WWOX: variants seen among roughly 807,000 people sequenced by gnomAD.
WWOX encodes the protein WW domain containing oxidoreductase.
A neutral mutation model predicts 46.2 loss-of-function variants in WWOX; 69 were observed. The ratio of observed to expected loss-of-function variants is 1.49; its 90% CI spans 1.23 to 1.82. The LOEUF (loss-of-function observed/expected upper bound fraction) is 1.82. Among genes scored for constraint, WWOX ranks in the 40% most tolerant of loss-of-function variants. The pLI, the probability that WWOX is intolerant of heterozygous loss-of-function variation, is 0.00. For missense variants in WWOX, 919 were observed against 542.6 expected, an observed-to-expected ratio of 1.69 and a Z score of -6.89; for synonymous variants, 359 against 202.6, an observed-to-expected ratio of 1.77 and a Z score of -6.56.
chr16:79,133,083 T>C (rs1180857222), intron 8 of WWOX, among the ~76,000 whole-genome samples: 1 of 152,224 alleles, frequency 6.6e-6, no homozygotes, highest in Non-Finnish European at 1.5e-5. Flanking sequence ...GTGACCTTTC[T>C]AGGGTTGTTT....
chr16:78,576,577 A>C (rs2044885641), intron 8 of WWOX, among the ~76,000 whole-genome samples: 2 of 152,196 alleles, frequency 1.3e-5, no homozygotes, highest in African/African-American at 4.8e-5. Flanking sequence ...TCATGCCTAT[A>C]ATCCTAGCAC....
intron 8 of WWOX, among the ~76,000 whole-genome samples, chr16:78,713,908 C>T (rs535399900): frequency 2.6e-5 from 4 of 152,236 alleles, no homozygotes; most frequent in East Asian, 1.9e-4. Context: ...CAGAAACACC[C>T]GAGGACTGTC....
At chr16:79,093,887 T>C (rs2049015044) in intron 8 of WWOX, among the ~76,000 whole-genome samples, 1 of 152,118 alleles carries the variant, frequency 6.6e-6, no homozygotes, top group Admixed American at 6.5e-5. Flanking sequence ...CACCGCAGCT[T>C]CCTGGCCACT....
chr16:78,757,010 A>C lies in WWOX; in HGVS notation c.1056+324258A>C, dbSNP rs369651669. On this transcript the variant is annotated intron_variant, in intron 8 of 8. Coordinates refer to ENST00000566780, the MANE Select transcript of WWOX (RefSeq NM_016373.4). ...TAGAAGAACTGAGCCTCCTGCCAAC[A>C]GCCATGTGAGTGAACCACGTTCGAA... is the stretch of plus-strand genomic sequence containing the variant. The C allele has an allele frequency of 1.8e-4, 127 of 699,872 alleles. 1 individual carries two copies. Among genetic ancestry groups the C allele is most frequent in the South Asian group, 9.3e-4 (63 of 67,590 alleles). The allele number at this position is 699,872 out of a possible 1,614,324, so 43.4% of individuals were successfully genotyped here.
At chr16:78,795,793 G>C (rs538118004) in intron 8 of WWOX, among the ~76,000 whole-genome samples, 1 of 152,220 alleles carries the variant, frequency 6.6e-6, no homozygotes, top group East Asian at 1.9e-4. Flanking sequence ...ATGTCCTTGA[G>C]GATGGAATGA....
chr16:78,559,612 A>T (rs2044385944), intron 8 of WWOX, among the ~76,000 whole-genome samples: 1 of 152,252 alleles, frequency 6.6e-6, no homozygotes, highest in Admixed American at 6.5e-5. Context: ...CTATTAGCAA[A>T]TGGCCACTGG....
intron 5 of WWOX, among the ~76,000 whole-genome samples, chr16:78,174,699 C>G (rs1053677827): frequency 1.3e-5 from 2 of 152,180 alleles, no homozygotes; most frequent in African/African-American, 4.8e-5. Flanking sequence ...AATAATCTGA[C>G]TAAGGTGGCC....
chr16:78,349,356 G>A (rs182230359), intron 5 of WWOX, among the ~76,000 whole-genome samples: 1 of 121,026 alleles, frequency 8.3e-6, no homozygotes. Context: ...TAGGTCTTCA[G>A]CATATGAATT....
chr16:78,333,749 C>G (rs1008084261), intron 5 of WWOX, among the ~76,000 whole-genome samples: 3 of 152,224 alleles, frequency 2.0e-5, no homozygotes, highest in Admixed American at 2.0e-4. Flanking sequence ...AATGGTTCCT[C>G]TGTTCAGCAA....
intron 8 of WWOX, among the ~76,000 whole-genome samples, chr16:78,609,872 T>A (rs911147384): frequency 4.6e-5 from 7 of 152,318 alleles, no homozygotes; most frequent in African/African-American, 1.7e-4. Context: ...ATTTCAACCT[T>A]TTCTTGCTTT....
rs575874671 is a variant in WWOX, at chr16:78,913,370, A to G, written c.1057-298238A>G. Among the ~76,000 whole-genome samples, 75 of 152,034 alleles carry G rather than the reference A, an allele frequency of 4.9e-4. 1 individual carries two copies. The highest frequency in any genetic ancestry group is 1.6e-3 in the African/African-American group (66 of 41,538). On this transcript the variant is annotated intron_variant, in intron 8 of 8. Transcript: ENST00000566780. ...CAGCCATGTGCCTGAGTCTTGGCCA[A>G]TGGACTGTTGGAAGACGAGACGTTG...
chr16:78,473,135 G>A (rs1033182210), intron 8 of WWOX, among the ~76,000 whole-genome samples: 1 of 152,192 alleles, frequency 6.6e-6, no homozygotes, highest in Non-Finnish European at 1.5e-5. Context: ...TTTATGTAAT[G>A]TTTGTTTGCT....
chr16:79,041,411 T>G (rs1010524390), intron 8 of WWOX, among the ~76,000 whole-genome samples: 2 of 152,276 alleles, frequency 1.3e-5, no homozygotes, highest in East Asian at 3.9e-4. Context: ...CCACGCCCCT[T>G]GCGGTTCCTT....
intron 1 of WWOX, among the ~76,000 whole-genome samples, chr16:78,101,428 C>A (rs936460767): frequency 1.4e-5 from 2 of 146,774 alleles, no homozygotes; most frequent in Admixed American, 1.4e-4. Flanking sequence ...TTCACTGCAA[C>A]CTCTGCATGC....
chr16:78,953,592 C>T (rs190877415), intron 8 of WWOX, among the ~76,000 whole-genome samples: 1 of 152,310 alleles, frequency 6.6e-6, no homozygotes, highest in Admixed American at 6.5e-5. Flanking sequence ...TGTGTCCCCT[C>T]CACTGTTGCC....
intron 8 of WWOX, among the ~76,000 whole-genome samples, chr16:78,907,243 G>A (rs2044989545): frequency 6.6e-6 from 1 of 152,120 alleles, no homozygotes; most frequent in Non-Finnish European, 1.5e-5. Context: ...GGGGGGCAGG[G>A]CACAGGACCA....
chr16:78,618,722 G>A (rs985166528), intron 8 of WWOX, among the ~76,000 whole-genome samples: 7 of 151,960 alleles, frequency 4.6e-5, no homozygotes, highest in Non-Finnish European at 1.0e-4. Flanking sequence ...CTTGTAATAT[G>A]TATAATGACT....
At chr16:78,183,350 T>C (rs1422661202) in intron 5 of WWOX, among the ~76,000 whole-genome samples, 1 of 152,206 alleles carries the variant, frequency 6.6e-6, no homozygotes, top group East Asian at 1.9e-4. Flanking sequence ...ACAATGCCTG[T>C]ATTTCTCATC....
chr16:78,651,859 TTGTCA>T, intron 8 of WWOX, among the ~76,000 whole-genome samples: 1 of 152,264 alleles, frequency 6.6e-6, no homozygotes, highest in Non-Finnish European at 1.5e-5. Flanking sequence ...AGCCTTAGTT[TTGTCA>T]TGTGTAGAAT....
Sources: gnomAD v4.1 joint callset for allele counts (sites outside exome capture counted in the v4.1 genomes callset) on GRCh38, gnomAD v4.1.1 for gene constraint, MANE v1.5 for transcripts, NCBI Gene and HGNC (gene_info 2026-07-23, HGNC 2026-07-21) for gene names.